NFYC: variants seen among roughly 807,000 people sequenced by gnomAD.
NFYC encodes nuclear transcription factor Y subunit gamma.
A neutral mutation model predicts 53.1 loss-of-function variants in NFYC; 25 were observed. The ratio of observed to expected loss-of-function variants is 0.47; its 90% CI spans 0.34 to 0.66. The LOEUF (loss-of-function observed/expected upper bound fraction) is 0.66, where lower values mean the gene tolerates loss of function less well. NFYC is among the 30% of genes least tolerant of loss of function. The probability of loss-of-function intolerance (pLI) is 0.01; values close to 1 mark genes in which losing one functional copy is unlikely to be tolerated. For synonymous variants in NFYC, 145 were observed against 152.6 expected, an observed-to-expected ratio of 0.95 and a Z score of 0.37; for missense variants, 260 against 422.7, an observed-to-expected ratio of 0.62 and a Z score of 3.38.
chr1:40,747,883 C>T lies in NFYC; in HGVS notation c.177+278C>T, dbSNP rs76015443. 8.8e-3 allele frequency among the ~76,000 whole-genome samples: 1,325 copies of T among 150,824 alleles called. 24 individuals are homozygous for T. The highest frequency in any genetic ancestry group is 0.031 in the African/African-American group (1,267 of 41,018). On this transcript the variant is annotated intron_variant, in intron 3 of 9. Coordinates refer to ENST00000447388, the MANE Select transcript of NFYC (RefSeq NM_014223.5). ...GAGAGTTTTACTCTGTTATCCAGGC[C>T]GCAGTGCAGTGGTGCGAGCTTAGCT...
In NFYC at chr1:40,770,756, C is replaced by T. The variant is rs1250836469; in HGVS notation, c.936C>T (p.Leu312=). 1 of 1,613,822 alleles carries T rather than the reference C, an allele frequency of 6.2e-7. No homozygotes were observed. Among genetic ancestry groups the T allele is most frequent in the Non-Finnish European group, 8.5e-7 (1 of 1,180,034 alleles). Residue 312 remains leucine, a synonymous_variant, in exon 10 of 10, where the codon CTC becomes CTT. Transcript: ENST00000447388. The surrounding 1 kb of genome is among the most constrained non-coding windows in gnomAD (Gnocchi z 5.3). ...QQVTMPAGQD[L]AQPMFIQSAN... is the part of the protein sequence containing the mutation. Reference sequence around the variant, plus strand: ...TCACCATGCCTGCGGGCCAGGACCTCGCCCAGCCCATGTTCATCCAGTCAG... The same window carrying T: ...TCACCATGCCTGCGGGCCAGGACCTTGCCCAGCCCATGTTCATCCAGTCAG...
At chr1:40,726,418 T>G (rs1644522191) in intron 1 of NFYC, among the ~76,000 whole-genome samples, 1 of 148,332 alleles carries the variant, frequency 6.7e-6, no homozygotes, top group South Asian at 2.1e-4. Flanking sequence ...GCATCTGGCC[T>G]GTTTTTTTTT....
At position 40,770,993 on chromosome 1, in the gene NFYC, G is replaced by A; in HGVS notation, c.*165G>A. On this transcript the variant is annotated 3_prime_UTR_variant, in exon 10 of 10. Transcript: ENST00000447388. This position sits in a 1 kb window ranked among gnomAD's most constrained non-coding sequence, Gnocchi z 5.3. ...CATGCCTGGGGGCCGAGATTCTCCAGCAGAAAGATGCAATATTTTTTGTTT... is the reference window on the plus strand; with the variant it reads ...CATGCCTGGGGGCCGAGATTCTCCAACAGAAAGATGCAATATTTTTTGTTT... 1 of 649,356 alleles carries A rather than the reference G, an allele frequency of 1.5e-6. No individual in the cohort carries two copies. The highest frequency in any genetic ancestry group is 2.6e-6 in the Non-Finnish European group (1 of 380,466). 40.2% of individuals were successfully genotyped at this position (649,356 alleles called of 1,614,324 possible).
intron 5 of NFYC, among the ~76,000 whole-genome samples, chr1:40,753,883 A>C (rs1315748886): frequency 6.6e-6 from 1 of 152,194 alleles, no homozygotes; most frequent in East Asian, 1.9e-4. Flanking sequence ...AAGAAAGAAT[A>C]TGAACGTCTG....
chr1:40,728,048 G>T (rs191263701), intron 1 of NFYC, among the ~76,000 whole-genome samples: 55 of 152,094 alleles, frequency 3.6e-4, no homozygotes, highest in African/African-American at 1.3e-3. Flanking sequence ...AGAGTAGCTG[G>T]GACTACAGGC....
At position 40,768,348 on chromosome 1, in the gene NFYC, T is replaced by C. The variant is rs902091927; in HGVS notation, c.829-1008T>C. 3.3e-5 allele frequency among the ~76,000 whole-genome samples: 5 copies of C among 152,352 alleles called. No homozygotes were observed. The East Asian group carries it at 9.6e-4, about 29-fold the overall frequency. ...TATGGGCTCCTGCCCTCAGGCATCTTATAGGCTGTTGGAAGGAAAAGGACC... is the reference window on the plus strand; with the variant it reads ...TATGGGCTCCTGCCCTCAGGCATCTCATAGGCTGTTGGAAGGAAAAGGACC... On this transcript the variant is annotated intron_variant, in intron 8 of 9. Transcript: ENST00000447388.
intron 1 of NFYC, chr1:40,712,841 A>G (rs1643984780): frequency 6.6e-6 from 1 of 151,080 alleles, no homozygotes; most frequent in African/African-American, 2.4e-5. Flanking sequence ...ACCGTGCCCA[A>G]CTAATTTTTT....
At chr1:40,711,770 A>T (rs918612682) in intron 1 of NFYC, among the ~76,000 whole-genome samples, 6 of 152,222 alleles carry the variant, frequency 3.9e-5, no homozygotes, top group African/African-American at 1.2e-4. Context: ...GCTAACTCTA[A>T]TTTAGGCCAT....
chr1:40,698,309 C>G (rs1643256663), intron 1 of NFYC, among the ~76,000 whole-genome samples: 1 of 151,118 alleles, frequency 6.6e-6, no homozygotes, highest in Admixed American at 6.6e-5. Context: ...CTGCAGTGAG[C>G]TGAGATCATG....
chr1:40,694,626 T>TA (rs1162696406), intron 1 of NFYC, among the ~76,000 whole-genome samples: 1 of 152,202 alleles, frequency 6.6e-6, no homozygotes, highest in African/African-American at 2.4e-5. Flanking sequence ...GACAAGGTGA[T>TA]AAAAATGAGT....
At chr1:40,761,792 T>C (rs923579075) in intron 6 of NFYC, among the ~76,000 whole-genome samples, 3 of 152,204 alleles carry the variant, frequency 2.0e-5, no homozygotes, top group African/African-American at 7.2e-5. Flanking sequence ...GGTTGAAGTT[T>C]ATGATTCATT....
intron 1 of NFYC, among the ~76,000 whole-genome samples, chr1:40,693,884 A>T (rs1642980933): frequency 6.6e-6 from 1 of 152,250 alleles, no homozygotes; most frequent in Non-Finnish European, 1.5e-5. Context: ...TGTGCTGCTT[A>T]AGGATTCAGA....
At chr1:40,710,873 T>G (rs925353902) in intron 1 of NFYC, among the ~76,000 whole-genome samples, 3 of 152,188 alleles carry the variant, frequency 2.0e-5, no homozygotes, top group Non-Finnish European at 4.4e-5. Context: ...AGTTGAAAGA[T>G]TGAAGGACAA....
At chr1:40,755,580 C>G (rs1392329579) in intron 5 of NFYC, among the ~76,000 whole-genome samples, 4 of 152,206 alleles carry the variant, frequency 2.6e-5, no homozygotes, top group Non-Finnish European at 4.4e-5. Context: ...ATGTCATTAT[C>G]TTTTCACCCA....
chr1:40,697,151 T>A (rs558328502), intron 1 of NFYC, among the ~76,000 whole-genome samples: 3 of 152,204 alleles, frequency 2.0e-5, no homozygotes, highest in African/African-American at 4.8e-5. Context: ...GTAGGGTAAT[T>A]ATGAGAAATG....
chr1:40,761,934 C>T (rs2148766041), intron 6 of NFYC, among the ~76,000 whole-genome samples: 1 of 152,148 alleles, frequency 6.6e-6, no homozygotes, highest in Middle Eastern at 3.4e-3. Context: ...CCCGCCACCC[C>T]CCATCACTAC....
At chr1:40,759,867 A>C (rs562328981) in intron 6 of NFYC, among the ~76,000 whole-genome samples, 10 of 152,142 alleles carry the variant, frequency 6.6e-5, no homozygotes, top group Non-Finnish European at 1.5e-4. Flanking sequence ...GGAAAGATAG[A>C]TAGTAAACAC....
intron 1 of NFYC, among the ~76,000 whole-genome samples, chr1:40,704,131 G>A (rs1295591454): frequency 6.6e-6 from 1 of 151,478 alleles, no homozygotes; most frequent in Non-Finnish European, 1.5e-5. Flanking sequence ...GAGTGCAGTG[G>A]CGCGATCTCT....
chr1:40,731,364 A>G (rs1262432762), intron 1 of NFYC, among the ~76,000 whole-genome samples: 2 of 151,762 alleles, frequency 1.3e-5, no homozygotes, highest in East Asian at 3.9e-4. Context: ...TAGTAGAGAC[A>G]GGGTTTTACC....
Sources: allele counts gnomAD v4.1 joint callset (sites outside exome capture counted in the v4.1 genomes callset), GRCh38; gene constraint gnomAD v4.1.1; non-coding constraint Gnocchi (gnomAD v3.1); transcripts MANE v1.5; gene names NCBI Gene and HGNC (gene_info 2026-07-23, HGNC 2026-07-21).